The following ACAP2 variants were observed in gnomAD, a reference collection of about 807,000 sequenced individuals.
ACAP2 encodes arf-GAP with coiled-coil, ANK repeat and PH domain-containing protein 2.
In ACAP2, 39 loss-of-function variants were observed where a neutral mutation model predicts 115.8. The observed-to-expected ratio is 0.34, with a 90% CI of 0.26 to 0.44. The LOEUF is 0.44. Among genes scored for constraint, ACAP2 ranks in the 20% least tolerant of loss-of-function variants. The pLI, the probability that ACAP2 is intolerant of heterozygous loss-of-function variation, is 1.00. For missense variants in ACAP2, 662 were observed against 927.6 expected (o/e 0.71, Z 3.72); for synonymous variants, 289 against 315.8 (o/e 0.92, Z 0.90).
chr3:195,441,447 G>A (rs1262051102), intron 1 of ACAP2, among the ~76,000 whole-genome samples: 2 of 152,074 alleles, frequency 1.3e-5, no homozygotes, highest in East Asian at 1.9e-4. Flanking sequence ...AATAGCCCTA[G>A]GCTCCAATAA....
chr3:195,357,420 CAAG>C (rs1732048581), intron 4 of ACAP2, among the ~76,000 whole-genome samples: 1 of 152,186 alleles, frequency 6.6e-6, no homozygotes, highest in South Asian at 2.1e-4. Flanking sequence ...GGGAAATACA[CAAG>C]AATGACTAGC....
intron 14 of ACAP2, 148 bp from the exon 15 acceptor site, chr3:195,301,792 A>G: frequency 8.9e-7 from 1 of 1,128,104 alleles, no homozygotes; most frequent in Non-Finnish European, 1.3e-6. Context: ...ATGATGAACC[A>G]AAGTCCTCAA....
chr3:195,304,128 C>T (rs1728252923), intron 13 of ACAP2, among the ~76,000 whole-genome samples: 1 of 139,002 alleles, frequency 7.2e-6, no homozygotes, highest in African/African-American at 2.8e-5. Context: ...CGTGCCCCTG[C>T]ACACCAGCCT....
At chr3:195,397,273 C>G (rs976925642) in intron 1 of ACAP2, among the ~76,000 whole-genome samples, 1 of 152,090 alleles carries the variant, frequency 6.6e-6, no homozygotes, top group Non-Finnish European at 1.5e-5. Flanking sequence ...AGCTCAACAG[C>G]CTTATGTACC....
chr3:195,378,072 GAGGA>G (rs1441011035), intron 4 of ACAP2, among the ~76,000 whole-genome samples: 15 of 139,412 alleles, frequency 1.1e-4, no homozygotes, highest in South Asian at 5.1e-4. Context: ...GGGAGGGAGG[GAGGA>G]AGGGAGGAAG....
chr3:195,407,137 ATTC>A (rs1323265486), intron 1 of ACAP2, among the ~76,000 whole-genome samples: 1 of 151,946 alleles, frequency 6.6e-6, no homozygotes, highest in Non-Finnish European at 1.5e-5. Context: ...CAGTTAAATA[ATTC>A]TTATTAGTGA....
intron 4 of ACAP2, among the ~76,000 whole-genome samples, chr3:195,366,114 G>T (rs946366531): frequency 6.6e-6 from 1 of 152,072 alleles, no homozygotes; most frequent in Non-Finnish European, 1.5e-5. Flanking sequence ...CAAAGTGCTG[G>T]GATTACAGGC....
intron 1 of ACAP2, among the ~76,000 whole-genome samples, chr3:195,411,848 T>C (rs1713287027): frequency 6.7e-6 from 1 of 149,608 alleles, no homozygotes; most frequent in African/African-American, 2.5e-5. Flanking sequence ...AGTTTGAGAC[T>C]AGCCTGGACA....
At chr3:195,426,921 T>C (rs1350990839) in intron 1 of ACAP2, among the ~76,000 whole-genome samples, 1 of 151,962 alleles carries the variant, frequency 6.6e-6, no homozygotes, top group Non-Finnish European at 1.5e-5. Flanking sequence ...GTAGACAAAA[T>C]AATGCCCCCC....
At chr3:195,320,905 A>G (rs756667285) in intron 9 of ACAP2, 92 bp from the exon 10 acceptor site, 31 of 769,474 alleles carry the variant, frequency 4.0e-5, no homozygotes, top group Non-Finnish European at 5.8e-5. Flanking sequence ...AAAAGGAAGA[A>G]AAGGTTTATA....
At position 195,302,023 on chromosome 3, in the gene ACAP2, C is replaced by T. The variant is rs778364213; in HGVS notation, c.1268G>A (p.Arg423Gln). ...SCCDCGLADP[R>Q]WASINLGITL... ...GATGCCCAGGTTGATGCTGGCCCAC[C>T]GTGGATCTGCCAGGCCACAGTCACA... Residue 423 changes from arginine to glutamine, a missense_variant, in exon 14 of 23, where the codon CGG (arginine) becomes CAG (glutamine). By Grantham distance (43) the Arg-to-Gln change is conservative. Around this residue, in one of 3 missense-constraint regions of ACAP2, gnomAD observed 401 missense variants for 604.4 expected, o/e 0.66. Coordinates refer to ENST00000326793, the MANE Select transcript of ACAP2 (RefSeq NM_012287.6). The T allele has an allele frequency of 6.2e-7, 1 of 1,613,998 alleles. No individual in the cohort carries two copies.
In ACAP2 at chr3:195,276,329, T is replaced by C. The variant is rs370490565; in HGVS notation, c.*2999A>G. On this transcript the variant is annotated 3_prime_UTR_variant, in exon 23 of 23. Transcript: ENST00000326793. The stretch of plus-strand genomic sequence containing the variant: ...AAATTAGGCAAACACCATAATCTAA[T>C]GAATATCAGGAAATTTCTGAGTTTC... 20 of 152,340 alleles carry C rather than the reference T, an allele frequency of 1.3e-4. No homozygotes were observed. Among genetic ancestry groups the C allele is most frequent in the African/African-American group, 4.8e-4 (20 of 41,580 alleles). The allele number at this position is 152,340 out of a possible 1,614,324, so 9.4% of individuals were successfully genotyped here.
chr3:195,349,722 A>G, intron 4 of ACAP2: 1 of 190,548 alleles, frequency 5.2e-6, no homozygotes, highest in Non-Finnish European at 1.1e-5. Context: ...AGGTGACCCG[A>G]GGGTACACCA....
intron 1 of ACAP2, among the ~76,000 whole-genome samples, chr3:195,402,396 GAAAAAAAT>G (rs1457418263): frequency 6.6e-6 from 1 of 151,424 alleles, no homozygotes; most frequent in Non-Finnish European, 1.5e-5. Context: ...AAAGTCTCCA[GAAAAAAAT>G]AAAAGAATAA....
At chr3:195,367,943 C>T (rs7650623) in intron 4 of ACAP2, among the ~76,000 whole-genome samples, 42,539 of 152,110 alleles carry the variant, frequency 0.28, 6,777 homozygotes, top group East Asian at 0.71. Flanking sequence ...CACTTGGTGG[C>T]TGTTTTAAGT....
intron 1 of ACAP2, among the ~76,000 whole-genome samples, chr3:195,426,169 G>T (rs111436511): frequency 2.0e-5 from 3 of 151,740 alleles, no homozygotes; most frequent in Admixed American, 6.6e-5. Flanking sequence ...CAACCCTATC[G>T]GCCTTCCTTC....
rs777366547 is a variant in ACAP2, at chr3:195,302,006, G to A, written c.1285C>T (p.Leu429=). The A allele has an allele frequency of 6.2e-7, 1 of 1,613,836 alleles. No individual in the cohort carries two copies. The highest frequency in any genetic ancestry group is 8.5e-7 in the Non-Finnish European group (1 of 1,180,026). ...LADPRWASIN[L]GITLCIECSG... The stretch of plus-strand genomic sequence containing the variant: ...CACTCGATACACAAGGTGATGCCCA[G>A]GTTGATGCTGGCCCACCGTGGATCT... Residue 429 remains leucine, a synonymous_variant, in exon 14 of 23, where the codon CTG becomes TTG. Transcript: ENST00000326793.
chr3:195,283,391 AAATC>A (rs1726636142), intron 22 of ACAP2, among the ~76,000 whole-genome samples: 1 of 152,206 alleles, frequency 6.6e-6, no homozygotes, highest in Non-Finnish European at 1.5e-5. Context: ...TCCTAGAAAT[AAATC>A]AGTGATTGCC....
rs1270412206 is a variant in ACAP2 at position 195,437,866 on chromosome 3, A to G, written c.53+4929T>C. Among the ~76,000 whole-genome samples, 15 of 143,502 alleles carry G rather than the reference A, an allele frequency of 1.0e-4. No individual in the cohort carries two copies. The East Asian group carries it at 2.1e-3, about 20-fold the overall frequency. 94.1% of individuals were successfully genotyped at this position (143,502 alleles called of 152,430 possible). On this transcript the variant is annotated intron_variant, in intron 1 of 22. Coordinates refer to ENST00000326793, the MANE Select transcript of ACAP2 (RefSeq NM_012287.6). ...AAAAACCCACATTTTTAAAATGAGG[A>G]TAAGTCCTACTTTACATGCTTTTTT...
Sources: allele counts gnomAD v4.1 joint callset (sites outside exome capture counted in the v4.1 genomes callset), GRCh38; gene constraint gnomAD v4.1.1; regional missense constraint gnomAD v4.1.1; transcripts MANE v1.5; gene names NCBI Gene and HGNC (gene_info 2026-07-23, HGNC 2026-07-21).